Variants in AFF3 observed in about 807,000 individuals in gnomAD.
AFF3 encodes ALF transcription elongation factor 3, also known as AF4/FMR2 family member 3.
A neutral mutation model predicts 129.7 loss-of-function variants in AFF3; 32 were observed. The observed-to-expected ratio is 0.25, with a 90% CI of 0.19 to 0.33. AFF3 has a LOEUF of 0.33. Among genes scored for constraint, AFF3 ranks in the 10% least tolerant of loss-of-function variants. The pLI is 1.00. For synonymous variants in AFF3, 644 were observed against 635.4 expected (o/e 1.01, Z -0.20); for missense variants, 1,373 against 1,592.0 (o/e 0.86, Z 2.34).
chr2:99,713,099 T>C (rs1436141703), intron 11 of AFF3, among the ~76,000 whole-genome samples: 3 of 152,144 alleles, frequency 2.0e-5, no homozygotes, highest in East Asian at 1.9e-4. Context: ...CAGGGAGTTA[T>C]TGTTTAATGG....
At chr2:100,049,822 G>A (rs1233851338) in intron 4 of AFF3, among the ~76,000 whole-genome samples, 1 of 152,158 alleles carries the variant, frequency 6.6e-6, no homozygotes, top group Non-Finnish European at 1.5e-5. Context: ...CAAACTAGGA[G>A]TACTCCTCAT....
At chr2:100,090,722 G>A (rs1689785238) in intron 4 of AFF3, among the ~76,000 whole-genome samples, 1 of 152,080 alleles carries the variant, frequency 6.6e-6, no homozygotes, top group South Asian at 2.1e-4. Context: ...TGACACCCAG[G>A]CTGGAGTGCA....
intron 7 of AFF3, among the ~76,000 whole-genome samples, chr2:99,850,767 T>G (rs1000582352): frequency 9.6e-4 from 146 of 152,318 alleles, no homozygotes; most frequent in Non-Finnish European, 3.2e-4. Context: ...ATGACTTCTT[T>G]GTTAAGAAAA....
intron 11 of AFF3, among the ~76,000 whole-genome samples, chr2:99,695,600 C>T (rs535185411): frequency 6.6e-6 from 1 of 152,246 alleles, no homozygotes; most frequent in South Asian, 2.1e-4. Flanking sequence ...TCAGGGCTGC[C>T]ACACAGGACA....
At chr2:99,645,249 G>A (rs940882903) in intron 13 of AFF3, among the ~76,000 whole-genome samples, 2 of 152,138 alleles carry the variant, frequency 1.3e-5, no homozygotes, top group African/African-American at 4.8e-5. Flanking sequence ...GATGGCTTGA[G>A]CCTGGGAGGT....
At chr2:99,603,725 CTA>C (rs1680064562) in intron 13 of AFF3, among the ~76,000 whole-genome samples, 1 of 152,098 alleles carries the variant, frequency 6.6e-6, no homozygotes, top group South Asian at 2.1e-4. Flanking sequence ...TTTTTGCAAA[CTA>C]TGCATTTGAC....
Position 99,593,409 on chromosome 2 carries a change from T to A in AFF3, c.2252A>T (p.Asn751Ile), listed in dbSNP as rs757894567. 7.4e-6 allele frequency: 12 copies of A among 1,613,688 alleles called. No homozygotes were observed. The highest frequency in any genetic ancestry group is 8.5e-6 in the Non-Finnish European group (10 of 1,179,944). Residue 751 changes from asparagine to isoleucine, a missense_variant, in exon 15 of 25, where the codon AAC becomes ATC. Asn to Ile is a moderately radical substitution (Grantham distance 149, BLOSUM62 -3). This residue lies in a region of AFF3 where 466 missense variants were observed against 505.0 expected (regional missense o/e 0.92). Transcript: ENST00000672756. ...GTCCTTTAGAGGGGAGAGAAGTTCG[T>A]TCCGGCCAAAGGGGACCAGTGTGTA... ...QFYTLVPFGR[N>I]ELLSPLKDSD...
chr2:99,575,500 A>G (rs1442076430), intron 18 of AFF3, among the ~76,000 whole-genome samples: 1 of 148,296 alleles, frequency 6.7e-6, no homozygotes, highest in Non-Finnish European at 1.5e-5. Context: ...ACCTCAAGTG[A>G]TCCACCCACC....
intron 9 of AFF3, among the ~76,000 whole-genome samples, chr2:99,745,488 G>T (rs1353765283): frequency 2.0e-5 from 3 of 152,176 alleles, no homozygotes; most frequent in African/African-American, 7.2e-5. Context: ...AGGTCATGAA[G>T]ATTTAAACCT....
chr2:99,617,154 T>G (rs1264050639), intron 13 of AFF3, among the ~76,000 whole-genome samples: 1 of 152,222 alleles, frequency 6.6e-6, no homozygotes, highest in Non-Finnish European at 1.5e-5. Flanking sequence ...ACGTTTTCAT[T>G]TCTCTTGGGT....
chr2:99,913,636 C>T (rs774608729), intron 7 of AFF3, among the ~76,000 whole-genome samples: 14 of 152,074 alleles, frequency 9.2e-5, no homozygotes, highest in African/African-American at 2.4e-4. Flanking sequence ...ATACCATGTC[C>T]GCAATCAAAG....
intron 7 of AFF3, among the ~76,000 whole-genome samples, chr2:99,892,984 T>C (rs1693685002): frequency 6.6e-6 from 1 of 152,088 alleles, no homozygotes; most frequent in Non-Finnish European, 1.5e-5. Context: ...GGGTGACCAA[T>C]GCCAGTGACC....
At chr2:99,814,017 A>G (rs1687011431) in intron 8 of AFF3, among the ~76,000 whole-genome samples, 1 of 152,146 alleles carries the variant, frequency 6.6e-6, no homozygotes, top group Non-Finnish European at 1.5e-5. Flanking sequence ...CCAACCTTGC[A>G]ATGGAGGGGT....
At position 99,799,354 on chromosome 2, in the gene AFF3, C is replaced by T. The variant is rs143623571; in HGVS notation, c.921+38123G>A. Among the ~76,000 whole-genome samples the T allele has an allele frequency of 4.3e-3, 648 of 151,600 alleles. 3 individuals are homozygous for T. Among genetic ancestry groups the T allele is most frequent in the African/African-American group, 0.015 (609 of 41,382 alleles). ...AAGAGAAAAAAAGAATATAAGTGAA[C>T]GGTGGAATGACTACATGTGTGGTCT... On this transcript the variant is annotated intron_variant, in intron 8 of 24. Coordinates refer to ENST00000672756, the MANE Select transcript of AFF3 (RefSeq NM_001386135.1).
chr2:99,629,287 C>T (rs1682903173), intron 13 of AFF3, among the ~76,000 whole-genome samples: 3 of 152,154 alleles, frequency 2.0e-5, no homozygotes, highest in Admixed American at 6.5e-5. Flanking sequence ...TAAGGCTTGG[C>T]CCTGAGTGAC....
intron 7 of AFF3, among the ~76,000 whole-genome samples, chr2:99,842,583 C>G (rs1224484000): frequency 5.3e-5 from 8 of 152,176 alleles, no homozygotes; most frequent in African/African-American, 1.2e-4. Context: ...CCTCATTGAA[C>G]CTCCAACTAA....
At position 100,044,298 on chromosome 2, in the gene AFF3, C is replaced by G. The variant is rs543101651; in HGVS notation, c.54-35366G>C. 1.2e-4 allele frequency among the ~76,000 whole-genome samples: 18 copies of G among 152,326 alleles called. No homozygotes were observed. In the South Asian group the frequency reaches 2.1e-3, roughly 18 times the overall value. On this transcript the variant is annotated intron_variant, in intron 4 of 24. Coordinates refer to ENST00000672756, the MANE Select transcript of AFF3 (RefSeq NM_001386135.1). Reference sequence around the variant, plus strand: ...GCTCACCCCGTGTATTCATGCACAGCTATGTATTTTGAGGGAAGTGGCTCT... The same window carrying G: ...GCTCACCCCGTGTATTCATGCACAGGTATGTATTTTGAGGGAAGTGGCTCT...
chr2:99,568,766 A>T, intron 19 of AFF3, 86 bp downstream of exon 19: 1 of 1,318,564 alleles, frequency 7.6e-7, no homozygotes, highest in Non-Finnish European at 1.1e-6. Flanking sequence ...TAGATTTTAT[A>T]ATTACCCCAG....
At chr2:99,860,793 C>G in intron 7 of AFF3, among the ~76,000 whole-genome samples, 1 of 151,964 alleles carries the variant, frequency 6.6e-6, no homozygotes, top group Non-Finnish European at 1.5e-5. Flanking sequence ...ACAATGTGAT[C>G]ACCTGACATA....
Sources: gnomAD v4.1 joint callset for allele counts (sites outside exome capture counted in the v4.1 genomes callset) on GRCh38, gnomAD v4.1.1 for gene constraint, gnomAD v4.1.1 regional missense constraint, MANE v1.5 for transcripts, NCBI Gene and HGNC (gene_info 2026-07-23, HGNC 2026-07-21) for gene names.